The following RLN2 variants were observed in gnomAD, a reference collection of about 807,000 sequenced individuals.
RLN2 encodes relaxin 2.
RLN2 carries 10 observed loss-of-function variants against 7.3 expected under a neutral mutation model. The observed-to-expected ratio is 1.36, with a 90% confidence interval of 0.84 to 2.31. The LOEUF (loss-of-function observed/expected upper bound fraction) is 2.31. Ranked by LOEUF, RLN2 falls within the 30% of genes most tolerant of loss-of-function variation. The pLI is 0.00. For synonymous variants in RLN2, 103 were observed against 82.3 expected (o/e 1.25, Z -1.36); for missense variants, 298 against 217.6 (o/e 1.37, Z -2.32).
chr9:5,299,878 A>G lies in RLN2; in HGVS notation c.*220T>C, dbSNP rs1335535167. The G allele has an allele frequency of 2.6e-6, 1 of 387,642 alleles. No homozygotes were observed. Among genetic ancestry groups the G allele is most frequent in the Non-Finnish European group, 4.6e-6 (1 of 218,136 alleles). 24.0% of individuals were successfully genotyped at this position (387,642 alleles called of 1,614,324 possible). A position where few individuals can be genotyped will look rare whatever the true frequency, so the allele number is the denominator to read the frequency against. On this transcript the variant is annotated 3_prime_UTR_variant, in exon 2 of 2. Transcript: ENST00000381627. Reference sequence around the variant, plus strand: ...GACAAAAAGGCTTTTCAGCAAAAAAATGTGTCATTTAATCACACAAAGAAC... The same window carrying G: ...GACAAAAAGGCTTTTCAGCAAAAAAGTGTGTCATTTAATCACACAAAGAAC...
the RLN2 span, among the ~76,000 whole-genome samples, chr9:5,329,256 T>C: frequency 8.5e-5 from 12 of 141,940 alleles, no homozygotes; most frequent in Non-Finnish European, 1.2e-4. Context: ...TGAGCCGAGA[T>C]TGCACCACTG....
chr9:5,323,780 T>G, the RLN2 span, among the ~76,000 whole-genome samples: 4 of 152,002 alleles, frequency 2.6e-5, no homozygotes, highest in African/African-American at 4.8e-5. Flanking sequence ...GCACGGTGGC[T>G]CATGCCTGTA....
chr9:5,335,398 T>G, the RLN2 span: 1 of 1,613,758 alleles, frequency 6.2e-7, no homozygotes, highest in Non-Finnish European at 8.5e-7. Flanking sequence ...CGGCTTCACT[T>G]TGCCTATTGC....
At chr9:5,335,718 T>C in the RLN2 span, 6 of 651,838 alleles carry the variant, frequency 9.2e-6, no homozygotes, top group Non-Finnish European at 1.3e-5. Context: ...AAATTAAACA[T>C]TGAAACACAA....
chr9:5,318,035 TAC>T, the RLN2 span, among the ~76,000 whole-genome samples: 2 of 152,004 alleles, frequency 1.3e-5, no homozygotes, highest in East Asian at 3.9e-4. Context: ...TGTGTCTGTA[TAC>T]ACACAGTTAG....
At chr9:5,313,159 CTGAAAG>C in the RLN2 span, among the ~76,000 whole-genome samples, 1 of 151,810 alleles carries the variant, frequency 6.6e-6, no homozygotes, top group Non-Finnish European at 1.5e-5. Context: ...TTTTGTGTTG[CTGAAAG>C]TGAGATACTG....
At chr9:5,323,358 A>G in the RLN2 span, among the ~76,000 whole-genome samples, 2 of 152,034 alleles carry the variant, frequency 1.3e-5, no homozygotes, top group Non-Finnish European at 2.9e-5. Context: ...ACACAGAAGC[A>G]ATTTTCCCTC....
chr9:5,324,873 T>C, the RLN2 span, among the ~76,000 whole-genome samples: 1 of 152,086 alleles, frequency 6.6e-6, no homozygotes, highest in East Asian at 1.9e-4. Flanking sequence ...AATAAAAAAC[T>C]CAACATATTC....
At chr9:5,305,996 C>T (rs1212165244), upstream of RLN2, among the ~76,000 whole-genome samples, 2 of 151,464 alleles carry the variant, frequency 1.3e-5, no homozygotes, top group Admixed American at 1.3e-4. Flanking sequence ...GGTTTGAAAA[C>T]ATTTTTGTGG....
chr9:5,305,390 CACACACACACACAGAGAGAG>C (rs1816227929), upstream of RLN2, among the ~76,000 whole-genome samples: 1 of 142,500 alleles, frequency 7.0e-6, no homozygotes, highest in African/African-American at 2.9e-5. Context: ...CACACACACA[CACACACACACACAGAGAGAG>C]AGAGAGAGAG....
the RLN2 span, among the ~76,000 whole-genome samples, chr9:5,337,490 G>C: frequency 2.6e-5 from 4 of 151,954 alleles, 1 homozygote; most frequent in Non-Finnish European, 5.9e-5. Context: ...TACTGAAATA[G>C]ATCTCTGGTT....
the RLN2 span, among the ~76,000 whole-genome samples, chr9:5,326,060 G>A: frequency 1.6e-4 from 24 of 152,124 alleles, no homozygotes; most frequent in African/African-American, 5.8e-4. Context: ...ATTATGGCAT[G>A]TATTAAAGCA....
chr9:5,316,618 T>C, the RLN2 span, among the ~76,000 whole-genome samples: 2 of 152,082 alleles, frequency 1.3e-5, no homozygotes, highest in Non-Finnish European at 2.9e-5. Flanking sequence ...GCAAAGGACA[T>C]GAGCTTATCC....
the RLN2 span, among the ~76,000 whole-genome samples, chr9:5,320,254 G>T: frequency 6.6e-6 from 1 of 151,544 alleles, no homozygotes; most frequent in East Asian, 1.9e-4. Flanking sequence ...CCAATGTGCT[G>T]GGATTACAGG....
At chr9:5,332,961 A>G in the RLN2 span, among the ~76,000 whole-genome samples, 1 of 152,056 alleles carries the variant, frequency 6.6e-6, no homozygotes, top group Non-Finnish European at 1.5e-5. Context: ...TGATTCATAC[A>G]TCACAGTAAG....
chr9:5,309,592 T>C (rs1198972629), upstream of RLN2, among the ~76,000 whole-genome samples: 4 of 152,012 alleles, frequency 2.6e-5, no homozygotes, highest in Non-Finnish European at 4.4e-5. Flanking sequence ...TTATTTTCTT[T>C]TCAAAAGCAG....
At chr9:5,313,719 C>T in the RLN2 span, among the ~76,000 whole-genome samples, 1 of 151,864 alleles carries the variant, frequency 6.6e-6, no homozygotes. Flanking sequence ...CTTTTTATGA[C>T]ATCAGTAAGA....
At chr9:5,324,794 A>G in the RLN2 span, among the ~76,000 whole-genome samples, 1 of 152,108 alleles carries the variant, frequency 6.6e-6, no homozygotes, top group Non-Finnish European at 1.5e-5. Flanking sequence ...TGTAATAAGC[A>G]TGGAATAAGT....
At chr9:5,312,867 T>C in the RLN2 span, among the ~76,000 whole-genome samples, 1 of 152,088 alleles carries the variant, frequency 6.6e-6, no homozygotes, top group Non-Finnish European at 1.5e-5. Flanking sequence ...TTCTACGTAT[T>C]TTTGAATGTT....
Sources: gnomAD v4.1 joint callset for allele counts (sites outside exome capture counted in the v4.1 genomes callset) on GRCh38, gnomAD v4.1.1 for gene constraint, MANE v1.5 for transcripts, NCBI Gene and HGNC (gene_info 2026-07-23, HGNC 2026-07-21) for gene names.